DSCAM: variants seen among roughly 807,000 people sequenced by gnomAD.
DSCAM encodes DS cell adhesion molecule.
Under a neutral mutation model 217.7 loss-of-function variants are expected in DSCAM, and 47 were observed. The observed-to-expected ratio is 0.22, with a 90% CI of 0.17 to 0.28. The LOEUF (loss-of-function observed/expected upper bound fraction) is 0.28. Ranked by LOEUF, DSCAM falls within the 10% of genes least tolerant of loss-of-function variation. The probability of loss-of-function intolerance (pLI) is 1.00; values close to 1 mark genes in which losing one functional copy is unlikely to be tolerated. For missense variants in DSCAM, 2,080 were observed against 2,618.3 expected, an observed-to-expected ratio of 0.79 and a Z score of 4.49; for synonymous variants, 1,056 against 1,015.3, an observed-to-expected ratio of 1.04 and a Z score of -0.76.
intron 3 of DSCAM, among the ~76,000 whole-genome samples, chr21:40,459,667 A>T (rs778599857): frequency 5.9e-5 from 9 of 152,192 alleles, no homozygotes; most frequent in Non-Finnish European, 5.9e-5. Flanking sequence ...TGGGAACACA[A>T]TATCCTAAAG....
intron 11 of DSCAM, among the ~76,000 whole-genome samples, chr21:40,260,093 C>T (rs1001191088): frequency 6.6e-6 from 1 of 152,108 alleles, no homozygotes; most frequent in Admixed American, 6.6e-5. Flanking sequence ...ATACAACATA[C>T]TGATGATTAA....
At chr21:40,152,883 A>G (rs1024764397) in intron 16 of DSCAM, among the ~76,000 whole-genome samples, 2 of 152,154 alleles carry the variant, frequency 1.3e-5, no homozygotes, top group African/African-American at 4.8e-5. Context: ...CCCCCTTCCC[A>G]TTGAAAGGAA....
At chr21:40,298,669 A>C (rs2073982372) in intron 9 of DSCAM, among the ~76,000 whole-genome samples, 1 of 152,064 alleles carries the variant, frequency 6.6e-6, no homozygotes, top group Non-Finnish European at 1.5e-5. Flanking sequence ...ACAAAGTTGA[A>C]GACACCATGC....
intron 6 of DSCAM, among the ~76,000 whole-genome samples, chr21:40,347,298 C>CAAAAAAAAAA: frequency 1.3e-5 from 1 of 79,428 alleles, no homozygotes; most frequent in African/African-American, 4.5e-5. Context: ...AACTCCATCT[C>CAAAAAAAAAA]AAAAAAAAAA....
chr21:40,415,305 G>A (rs945069741), intron 3 of DSCAM, among the ~76,000 whole-genome samples: 5 of 152,198 alleles, frequency 3.3e-5, no homozygotes, highest in Admixed American at 6.5e-5. Flanking sequence ...GCAACATGGC[G>A]GAATATAAAA....
chr21:40,759,993 TTATTTATTTATTTATTTA>T (rs2091315352), intron 1 of DSCAM, among the ~76,000 whole-genome samples: 1 of 139,874 alleles, frequency 7.1e-6, no homozygotes, highest in Non-Finnish European at 1.5e-5. Context: ...ATTTATTTAT[TTATTTATTTATTTATTTA>T]TGAGACAGAG....
At chr21:40,189,338 C>A in intron 11 of DSCAM, 100 bp from the exon 12 acceptor site, 1 of 963,370 alleles carries the variant, frequency 1.0e-6, no homozygotes. Flanking sequence ...GATATTTCTT[C>A]AAAATGAAAT....
chr21:40,108,944 C>T (rs889022606), intron 20 of DSCAM, among the ~76,000 whole-genome samples: 2 of 152,158 alleles, frequency 1.3e-5, no homozygotes, highest in Non-Finnish European at 2.9e-5. Context: ...ACTAGCTAGC[C>T]ATATGCAGAA....
chr21:40,297,278 G>T lies in DSCAM; in HGVS notation c.2063-1104C>A, dbSNP rs936055406. Among the ~76,000 whole-genome samples, 8 of 152,194 alleles carry T rather than the reference G, an allele frequency of 5.3e-5. No individual in the cohort carries two copies. The East Asian group carries it at 1.2e-3, about 22-fold the overall frequency. ...TCTCCCCAAAGAAAGCATATTTTTT[G>T]AGATAAGCCATTAGGATTTTAATAT... is the stretch of plus-strand genomic sequence containing the variant. On this transcript the variant is annotated intron_variant, in intron 9 of 32. Transcript: ENST00000400454.
chr21:40,483,603 G>A (rs934590245), intron 3 of DSCAM, among the ~76,000 whole-genome samples: 1 of 152,134 alleles, frequency 6.6e-6, no homozygotes, highest in Non-Finnish European at 1.5e-5. Flanking sequence ...ACGGAGGCAT[G>A]TTATAATTAA....
intron 3 of DSCAM, among the ~76,000 whole-genome samples, chr21:40,593,426 A>G (rs912232187): frequency 4.6e-5 from 7 of 151,988 alleles, no homozygotes; most frequent in East Asian, 1.9e-4. Context: ...CCTGGGTCCA[A>G]GAGATTCTCC....
At chr21:40,821,755 G>A (rs911467936) in intron 1 of DSCAM, among the ~76,000 whole-genome samples, 1 of 151,944 alleles carries the variant, frequency 6.6e-6, no homozygotes, top group Non-Finnish European at 1.5e-5. Context: ...ACTAGTGCAG[G>A]AACAGAAAAC....
chr21:40,320,632 A>G (rs2074249046), intron 8 of DSCAM, among the ~76,000 whole-genome samples: 1 of 152,230 alleles, frequency 6.6e-6, no homozygotes, highest in African/African-American at 2.4e-5. Context: ...GGGGAGCCTC[A>G]CAATCATGGC....
At chr21:40,433,848 C>A (rs1483095182) in intron 3 of DSCAM, among the ~76,000 whole-genome samples, 1 of 152,166 alleles carries the variant, frequency 6.6e-6, no homozygotes, top group African/African-American at 2.4e-5. Flanking sequence ...AAGATATCAC[C>A]TGAGCTGGTT....
chr21:40,348,269 CATTATT>C (rs1211750964), intron 5 of DSCAM, among the ~76,000 whole-genome samples: 7 of 152,242 alleles, frequency 4.6e-5, no homozygotes, highest in Admixed American at 1.3e-4. Context: ...CTATCAGCCA[CATTATT>C]GCAATCATAC....
At chr21:40,533,162 A>T (rs1057271915) in intron 3 of DSCAM, among the ~76,000 whole-genome samples, 9 of 152,222 alleles carry the variant, frequency 5.9e-5, no homozygotes, top group African/African-American at 2.2e-4. Context: ...AGGATACTGT[A>T]AAGAGAATAA....
intron 3 of DSCAM, among the ~76,000 whole-genome samples, chr21:40,506,391 C>T (rs945952946): frequency 2.0e-5 from 3 of 152,154 alleles, no homozygotes; most frequent in African/African-American, 4.8e-5. Context: ...GTGGGAGCCC[C>T]GGACTCACTG....
intron 15 of DSCAM, among the ~76,000 whole-genome samples, chr21:40,172,184 G>A (rs773092904): frequency 1.7e-4 from 26 of 152,162 alleles, no homozygotes; most frequent in African/African-American, 2.2e-4. Flanking sequence ...CAGGATAACC[G>A]CTTGAACCCA....
rs767731476 is a variant in DSCAM, at chr21:40,353,736, C to T, written c.663G>A (p.Ala221=). ...CATCCAGTATGGATGGGGCTGAGTT[C>T]GCTGGGTCTGTAGAAGAAATAAAAA... ...NSARLFVSDP[A]NSAPSILDGF... is the part of the protein sequence containing the mutation. The change falls in exon 5 of 33, where the codon GCG becomes GCA. Residue 221 remains alanine (A), a synonymous_variant. Transcript: ENST00000400454. 83 of 1,544,314 alleles carry T rather than the reference C, an allele frequency of 5.4e-5. No individual in the cohort carries two copies. The highest frequency in any genetic ancestry group is 8.4e-5 in the African/African-American group (6 of 71,530).
Sources: gnomAD v4.1 joint callset for allele counts (sites outside exome capture counted in the v4.1 genomes callset) on GRCh38, gnomAD v4.1.1 for gene constraint, MANE v1.5 for transcripts, NCBI Gene and HGNC (gene_info 2026-07-23, HGNC 2026-07-21) for gene names.